NRXN1: variants seen among roughly 807,000 people sequenced by gnomAD.
NRXN1 encodes the protein neurexin-1.
A neutral mutation model predicts 150.9 loss-of-function variants in NRXN1; 39 were observed. The ratio of observed to expected loss-of-function variants is 0.26; its 90% CI spans 0.20 to 0.34. The LOEUF (loss-of-function observed/expected upper bound fraction) is 0.34. NRXN1 is among the 10% of genes least tolerant of loss of function. The pLI is 1.00. For synonymous variants in NRXN1, 924 were observed against 757.0 expected, an observed-to-expected ratio of 1.22 and a Z score of -3.62; for missense variants, 1,815 against 1,949.9, an observed-to-expected ratio of 0.93 and a Z score of 1.30.
At chr2:50,274,320 C>T (rs2070127210) in intron 17 of NRXN1, among the ~76,000 whole-genome samples, 1 of 152,138 alleles carries the variant, frequency 6.6e-6, no homozygotes, top group South Asian at 2.1e-4. Flanking sequence ...ACTGCATGTT[C>T]TCACTCTTAA....
At chr2:49,957,915 A>G (rs905460531) in intron 21 of NRXN1, among the ~76,000 whole-genome samples, 17 of 152,172 alleles carry the variant, frequency 1.1e-4, no homozygotes, top group African/African-American at 3.9e-4. Flanking sequence ...GCAGATAAAA[A>G]TAACAGCGGG....
chr2:50,471,738 A>G (rs56796303), intron 16 of NRXN1, among the ~76,000 whole-genome samples: 84,699 of 151,328 alleles, frequency 0.56, 24,085 homozygotes, highest in African/African-American at 0.61. Flanking sequence ...TGGAGGGTGG[A>G]GAGTGTGAGG....
At chr2:50,182,975 T>C (rs774987143) in intron 18 of NRXN1, among the ~76,000 whole-genome samples, 2 of 152,056 alleles carry the variant, frequency 1.3e-5, no homozygotes, top group Non-Finnish European at 2.9e-5. Context: ...CAAGGGAAAC[T>C]AAAATATCAT....
intron 18 of NRXN1, among the ~76,000 whole-genome samples, chr2:50,196,369 C>T (rs919987830): frequency 3.3e-5 from 5 of 152,214 alleles, no homozygotes; most frequent in African/African-American, 1.2e-4. Context: ...AGAAAAGTTT[C>T]CTAAACACCA....
chr2:50,952,127 C>A (rs1691482106), intron 2 of NRXN1, among the ~76,000 whole-genome samples: 1 of 151,022 alleles, frequency 6.6e-6, no homozygotes, highest in African/African-American at 2.4e-5. Flanking sequence ...CCACTACGCC[C>A]AGCTAATTTT....
intron 5 of NRXN1, among the ~76,000 whole-genome samples, chr2:50,794,739 A>C (rs1460355709): frequency 6.6e-6 from 1 of 152,162 alleles, no homozygotes; most frequent in African/African-American, 2.4e-5. Context: ...GAACACTGTC[A>C]AATAAGCAAT....
chr2:50,512,509 G>A (rs1267336768), intron 12 of NRXN1, among the ~76,000 whole-genome samples: 1 of 152,152 alleles, frequency 6.6e-6, no homozygotes, highest in Non-Finnish European at 1.5e-5. Flanking sequence ...CTAAGTGAAT[G>A]TATTTAAGAA....
At chr2:50,131,458 T>C (rs537026493) in intron 18 of NRXN1, among the ~76,000 whole-genome samples, 1 of 152,272 alleles carries the variant, frequency 6.6e-6, no homozygotes, top group Non-Finnish European at 1.5e-5. Flanking sequence ...CTAGTTACAA[T>C]TTAGGAGGTT....
chr2:50,477,836 C>T (rs1158230614), intron 15 of NRXN1, among the ~76,000 whole-genome samples: 1 of 152,108 alleles, frequency 6.6e-6, no homozygotes, highest in East Asian at 1.9e-4. Flanking sequence ...TATAGCTGGA[C>T]TAGAGAAAGT....
At chr2:50,421,248 T>C (rs80137113) in intron 17 of NRXN1, among the ~76,000 whole-genome samples, 2,492 of 152,220 alleles carry the variant, frequency 0.016, 69 homozygotes, top group African/African-American at 0.057. Context: ...GTTTTCCACT[T>C]TGCATGCCAA....
intron 5 of NRXN1, among the ~76,000 whole-genome samples, chr2:50,719,502 C>T (rs1696339068): frequency 6.6e-6 from 1 of 151,898 alleles, no homozygotes; most frequent in African/African-American, 2.4e-5. Flanking sequence ...TAGTGAAATC[C>T]TGCCTCTACT....
At chr2:50,481,411 T>C (rs1008588472) in intron 15 of NRXN1, among the ~76,000 whole-genome samples, 1 of 152,244 alleles carries the variant, frequency 6.6e-6, no homozygotes, top group African/African-American at 2.4e-5. Flanking sequence ...TCCATAATTA[T>C]AAATATTAGG....
At chr2:51,008,007 T>A (rs865969650) in intron 2 of NRXN1, among the ~76,000 whole-genome samples, 10 of 151,502 alleles carry the variant, frequency 6.6e-5, no homozygotes, top group South Asian at 2.1e-4. Context: ...ATAAAGAAAA[T>A]AATAGTAGAA....
At chr2:50,547,541 G>A (rs1192760123) in intron 9 of NRXN1, 2 of 152,096 alleles carry the variant, frequency 1.3e-5, no homozygotes, top group Non-Finnish European at 2.9e-5. Context: ...GAGAGAGACT[G>A]GTTTAAAAAC....
chr2:50,866,869 G>C (rs1677012112), intron 5 of NRXN1, among the ~76,000 whole-genome samples: 1 of 151,860 alleles, frequency 6.6e-6, no homozygotes, highest in African/African-American at 2.4e-5. Flanking sequence ...GGCTCCTTGA[G>C]GTCTGATGAG....
At chr2:50,579,852 G>A (rs1671990779) in intron 8 of NRXN1, among the ~76,000 whole-genome samples, 1 of 130,946 alleles carries the variant, frequency 7.6e-6, no homozygotes, top group Non-Finnish European at 1.7e-5. Flanking sequence ...AACATCAGGT[G>A]CATCCTTGTC....
At chr2:50,556,133 C>T (rs1024634117) in intron 8 of NRXN1, among the ~76,000 whole-genome samples, 2 of 152,086 alleles carry the variant, frequency 1.3e-5, no homozygotes, top group African/African-American at 4.8e-5. Context: ...GGTAGGCTTA[C>T]GGCTCTCAGA....
At chr2:50,391,086 T>A (rs967810180) in intron 17 of NRXN1, among the ~76,000 whole-genome samples, 6 of 152,094 alleles carry the variant, frequency 3.9e-5, no homozygotes, top group Non-Finnish European at 7.3e-5. Context: ...TTCAAGAATT[T>A]TGGCCTCCCT....
intron 5 of NRXN1, among the ~76,000 whole-genome samples, chr2:50,658,908 A>T (rs928097432): frequency 8.5e-5 from 13 of 152,120 alleles, no homozygotes; most frequent in African/African-American, 3.1e-4. Context: ...ATCACAGTAC[A>T]GCACTGAAAA....
Sources: allele counts gnomAD v4.1 joint callset (sites outside exome capture counted in the v4.1 genomes callset), GRCh38; gene constraint gnomAD v4.1.1; transcripts MANE v1.5; gene names NCBI Gene and HGNC (gene_info 2026-07-23, HGNC 2026-07-21).